The following LRRC4C variants were observed in gnomAD, a reference collection of about 807,000 sequenced individuals.
The protein encoded by LRRC4C is leucine-rich repeat-containing protein 4C.
In LRRC4C, 5 loss-of-function variants were observed where a neutral mutation model predicts 33.6. That is an observed-to-expected ratio of 0.15 (90% CI 0.08 to 0.31). LRRC4C has a LOEUF of 0.31. Ranked by LOEUF, LRRC4C falls within the 10% of genes least tolerant of loss-of-function variation. LRRC4C has a pLI of 1.00. For missense variants in LRRC4C, 560 were observed against 796.7 expected (o/e 0.70, Z 3.58); for synonymous variants, 329 against 302.0 (o/e 1.09, Z -0.93).
At chr11:40,375,094 AT>A (rs1948604411) in intron 3 of LRRC4C, among the ~76,000 whole-genome samples, 1 of 152,210 alleles carries the variant, frequency 6.6e-6, no homozygotes, top group African/African-American at 2.4e-5. Flanking sequence ...CAAGTAACAC[AT>A]TGGTTTCTAA....
At chr11:41,272,862 G>GA (rs1402115944) in intron 1 of LRRC4C, among the ~76,000 whole-genome samples, 1 of 152,054 alleles carries the variant, frequency 6.6e-6, no homozygotes, top group Non-Finnish European at 1.5e-5. Flanking sequence ...ACATTACATT[G>GA]ATGATTTAAT....
intron 4 of LRRC4C, among the ~76,000 whole-genome samples, chr11:40,261,371 T>C (rs2136261301): frequency 6.6e-6 from 1 of 152,208 alleles, no homozygotes; most frequent in African/African-American, 2.4e-5. Context: ...CCCTAGATAT[T>C]TAGGTAAGGG....
chr11:40,410,460 C>T (rs1359764860), intron 3 of LRRC4C, among the ~76,000 whole-genome samples: 1 of 152,128 alleles, frequency 6.6e-6, no homozygotes, highest in Non-Finnish European at 1.5e-5. Flanking sequence ...CTGTAGCTAG[C>T]AGCTACCGTA....
intron 1 of LRRC4C, among the ~76,000 whole-genome samples, chr11:41,323,419 G>C (rs1163596020): frequency 6.6e-6 from 1 of 152,102 alleles, no homozygotes; most frequent in African/African-American, 2.4e-5. Context: ...TAAAGTTACA[G>C]GAAGAAAGGA....
At chr11:41,421,436 G>A (rs528179806) in intron 1 of LRRC4C, among the ~76,000 whole-genome samples, 1 of 152,116 alleles carries the variant, frequency 6.6e-6, no homozygotes, top group African/African-American at 2.4e-5. Context: ...GAGAAGCATG[G>A]TTACTTGTTT....
chr11:40,174,507 A>C (rs1208585690), intron 5 of LRRC4C, among the ~76,000 whole-genome samples: 1 of 152,208 alleles, frequency 6.6e-6, no homozygotes, highest in Non-Finnish European at 1.5e-5. Flanking sequence ...ACCATTGATC[A>C]TGACTCTAAA....
intron 2 of LRRC4C, among the ~76,000 whole-genome samples, chr11:40,707,247 G>A (rs940174760): frequency 3.9e-5 from 6 of 152,158 alleles, no homozygotes; most frequent in African/African-American, 1.4e-4. Context: ...CCAACCCTAT[G>A]TTGAATAGGA....
intron 5 of LRRC4C, among the ~76,000 whole-genome samples, chr11:40,209,103 A>G (rs1863387303): frequency 6.6e-6 from 1 of 152,158 alleles, no homozygotes; most frequent in Non-Finnish European, 1.5e-5. Context: ...TGAATAAGGC[A>G]CATTCCCTGT....
intron 3 of LRRC4C, among the ~76,000 whole-genome samples, chr11:40,526,863 A>G (rs1331899721): frequency 6.6e-6 from 1 of 152,184 alleles, no homozygotes; most frequent in Non-Finnish European, 1.5e-5. Flanking sequence ...ATAAATGGCG[A>G]TTGCTGTATA....
chr11:40,445,786 T>C (rs1319061452), intron 3 of LRRC4C: 3 of 152,280 alleles, frequency 2.0e-5, no homozygotes, highest in Non-Finnish European at 4.4e-5. Context: ...GGATGCAACC[T>C]GAAGTGAGAC....
chr11:41,045,314 A>G (rs1857696328), intron 1 of LRRC4C, among the ~76,000 whole-genome samples: 1 of 151,972 alleles, frequency 6.6e-6, no homozygotes, highest in Non-Finnish European at 1.5e-5. Context: ...TCAGAAGAGA[A>G]TCACTCTTTC....
chr11:41,371,562 A>C (rs1565620417), intron 1 of LRRC4C, among the ~76,000 whole-genome samples: 1 of 152,210 alleles, frequency 6.6e-6, no homozygotes, highest in Non-Finnish European at 1.5e-5. Flanking sequence ...AAAGAAAGAA[A>C]GCATACTCCC....
At chr11:40,788,209 C>T (rs557780749) in intron 2 of LRRC4C, among the ~76,000 whole-genome samples, 1 of 152,252 alleles carries the variant, frequency 6.6e-6, no homozygotes, top group Admixed American at 6.5e-5. Context: ...TGTGCTTCCC[C>T]ATGGTCATTC....
At chr11:40,300,409 C>T (rs1023254126) in intron 4 of LRRC4C, among the ~76,000 whole-genome samples, 4 of 152,152 alleles carry the variant, frequency 2.6e-5, no homozygotes, top group African/African-American at 9.7e-5. Context: ...GAACAAAACG[C>T]ATTCTAAGAA....
chr11:40,952,019 T>A (rs1225934275), intron 1 of LRRC4C, among the ~76,000 whole-genome samples: 1 of 151,818 alleles, frequency 6.6e-6, no homozygotes, highest in African/African-American at 2.4e-5. Flanking sequence ...TTATTATATC[T>A]GTGAAATATT....
At chr11:41,030,297 G>A (rs1337809811) in intron 1 of LRRC4C, among the ~76,000 whole-genome samples, 3 of 151,758 alleles carry the variant, frequency 2.0e-5, no homozygotes, top group African/African-American at 7.3e-5. Context: ...TCAAGAGAAC[G>A]GAGTCAAAAT....
At chr11:40,541,253 C>T (rs933144414) in intron 3 of LRRC4C, among the ~76,000 whole-genome samples, 18 of 152,094 alleles carry the variant, frequency 1.2e-4, no homozygotes, top group African/African-American at 4.3e-4. Flanking sequence ...ATGATATTAG[C>T]TTACTACAGC....
At chr11:40,885,737 T>C (rs1955424141) in intron 2 of LRRC4C, among the ~76,000 whole-genome samples, 1 of 152,154 alleles carries the variant, frequency 6.6e-6, no homozygotes, top group South Asian at 2.1e-4. Context: ...TCTAAAAGAA[T>C]GCATCTATTT....
chr11:41,154,610 C>T (rs1487833159), intron 1 of LRRC4C, among the ~76,000 whole-genome samples: 3 of 152,040 alleles, frequency 2.0e-5, no homozygotes, highest in East Asian at 3.8e-4. Flanking sequence ...TGCATACTTT[C>T]TTCTTTTTCA....
Sources: allele counts gnomAD v4.1 joint callset (sites outside exome capture counted in the v4.1 genomes callset), GRCh38; gene constraint gnomAD v4.1.1; transcripts MANE v1.5; gene names NCBI Gene and HGNC (gene_info 2026-07-23, HGNC 2026-07-21).